Variants in SSBP3 observed in about 807,000 individuals in gnomAD.
The protein encoded by SSBP3 is single stranded DNA binding protein 3, also known as single-stranded DNA-binding protein 3.
Under a neutral mutation model 69.6 loss-of-function variants are expected in SSBP3, and 5 were observed. That is an observed-to-expected ratio of 0.07 (90% CI 0.04 to 0.15). SSBP3 has a LOEUF of 0.15. Ranked by LOEUF, SSBP3 falls within the 10% of genes least tolerant of loss-of-function variation. The pLI, the probability that SSBP3 is intolerant of heterozygous loss-of-function variation, is 1.00. For missense variants in SSBP3, 312 were observed against 534.0 expected (o/e 0.58, Z 4.10); for synonymous variants, 196 against 193.4 (o/e 1.01, Z -0.11).
intron 4 of SSBP3, among the ~76,000 whole-genome samples, chr1:54,347,980 T>G (rs1177543627): frequency 6.6e-6 from 1 of 152,100 alleles, no homozygotes; most frequent in African/African-American, 2.4e-5. Context: ...ACTCCAAGGC[T>G]CTCAACACTC....
At chr1:54,386,986 AC>A (rs1648134611) in intron 4 of SSBP3, among the ~76,000 whole-genome samples, 1 of 151,782 alleles carries the variant, frequency 6.6e-6, no homozygotes, top group African/African-American at 2.4e-5. Context: ...GACCCTCCAC[AC>A]CGGGGCACCT....
intron 9 of SSBP3, among the ~76,000 whole-genome samples, chr1:54,248,057 T>C (rs1320828826): frequency 1.3e-5 from 2 of 152,170 alleles, no homozygotes; most frequent in East Asian, 1.9e-4. Flanking sequence ...CAAAATGCAA[T>C]GTCACTCCCT....
At chr1:54,252,021 G>A (rs1306574158) in intron 7 of SSBP3, among the ~76,000 whole-genome samples, 161 bp from the exon 8 acceptor site, 1 of 152,200 alleles carries the variant, frequency 6.6e-6, no homozygotes, top group African/African-American at 2.4e-5. Context: ...GGTTACCCCG[G>A]GCCTACCAGT....
intron 9 of SSBP3, among the ~76,000 whole-genome samples, chr1:54,245,515 T>A (rs1438545926): frequency 6.6e-6 from 1 of 152,180 alleles, no homozygotes; most frequent in Non-Finnish European, 1.5e-5. Flanking sequence ...CCAGGGATCA[T>A]CTTCCAAATC....
At chr1:54,386,470 G>A (rs1386474590) in intron 4 of SSBP3, among the ~76,000 whole-genome samples, 1 of 152,082 alleles carries the variant, frequency 6.6e-6, no homozygotes. Context: ...ACACTGTACT[G>A]GGGCCCTTGG....
At chr1:54,308,210 T>G (rs1470732899) in intron 4 of SSBP3, among the ~76,000 whole-genome samples, 2 of 152,188 alleles carry the variant, frequency 1.3e-5, no homozygotes, top group African/African-American at 4.8e-5. Context: ...TTCCAGCACT[T>G]TGGGAGGCAG....
At chr1:54,405,959 C>A in exon 1 of SSBP3, 2 of 1,432,472 alleles carry the variant, frequency 1.4e-6, no homozygotes, top group Non-Finnish European at 1.9e-6. Flanking sequence ...TTACTTTTCC[C>A]GAGCCTGCCC....
chr1:54,246,831 G>C (rs972048831), intron 9 of SSBP3, among the ~76,000 whole-genome samples: 1 of 152,266 alleles, frequency 6.6e-6, no homozygotes, highest in East Asian at 1.9e-4. Flanking sequence ...GGTTTGCAGC[G>C]AAGTTTTCTC....
At chr1:54,277,279 T>C (rs1645305811) in intron 5 of SSBP3, among the ~76,000 whole-genome samples, 1 of 152,032 alleles carries the variant, frequency 6.6e-6, no homozygotes, top group Non-Finnish European at 1.5e-5. Context: ...CTCACGGTGT[T>C]CTCAGCAGCC....
At chr1:54,226,835 CAGAAAAGGTCCTTTGGGG>C (rs1644293097) in exon 18 of SSBP3, 2 of 402,154 alleles carry the variant, frequency 5.0e-6, no homozygotes, top group East Asian at 1.1e-4. Flanking sequence ...GTGTCATGTA[CAGAAAAGGTCCTTTGGGG>C]AAAGGGCAAG....
rs530673162 is a variant in SSBP3, at chr1:54,313,703, A to G, written c.277-32176T>C. Among the ~76,000 whole-genome samples, 668 of 118,512 alleles carry G rather than the reference A, an allele frequency of 5.6e-3. 4 individuals carry two copies. Among genetic ancestry groups the G allele is most frequent in the African/African-American group, 0.019 (632 of 32,782 alleles). 77.7% of individuals were successfully genotyped at this position (118,512 alleles called of 152,430 possible). A position where few individuals can be genotyped will look rare whatever the true frequency, so the allele number is the denominator to read the frequency against. ...CAGTGCTCGTAAGCAGATGCTACTC[A>G]GAGTCAAGATAGCTAAGCTTTCCCA... On this transcript the variant is annotated intron_variant, in intron 4 of 17. Coordinates refer to ENST00000610401, the Ensembl canonical transcript of SSBP3.
intron 4 of SSBP3, among the ~76,000 whole-genome samples, chr1:54,382,171 G>A (rs967619233): frequency 6.6e-6 from 1 of 152,216 alleles, no homozygotes; most frequent in Non-Finnish European, 1.5e-5. Flanking sequence ...TCCAGCCTGG[G>A]CAATAGAGCG....
intron 7 of SSBP3, among the ~76,000 whole-genome samples, chr1:54,253,975 C>T (rs148927897): frequency 8.5e-4 from 130 of 152,366 alleles, no homozygotes; most frequent in African/African-American, 2.8e-3. Flanking sequence ...CTGGAGGTCG[C>T]GTCCCTCACT....
chr1:54,383,825 G>A (rs887599696), intron 4 of SSBP3, among the ~76,000 whole-genome samples: 7 of 151,834 alleles, frequency 4.6e-5, no homozygotes, highest in Admixed American at 1.3e-4. Context: ...AGCAAGAACC[G>A]GCCGGGCACG....
At chr1:54,406,563 T>A (rs1649790725), upstream of SSBP3, 2 of 151,806 alleles carry the variant, frequency 1.3e-5, no homozygotes. Context: ...TGCGGCCGCC[T>A]CCGCGGAGCC....
At chr1:54,335,878 A>G (rs1041791513) in intron 4 of SSBP3, 1 of 152,402 alleles carries the variant, frequency 6.6e-6, no homozygotes, top group Non-Finnish European at 1.5e-5. Flanking sequence ...CAGGCAGGAA[A>G]AGGAAGTAGC....
At chr1:54,374,797 G>A (rs929268606) in intron 4 of SSBP3, among the ~76,000 whole-genome samples, 1 of 152,150 alleles carries the variant, frequency 6.6e-6, no homozygotes, top group Non-Finnish European at 1.5e-5. Flanking sequence ...GAGATATCAG[G>A]GCTATCAACG....
chr1:54,322,643 C>A (rs1289809560), intron 4 of SSBP3, among the ~76,000 whole-genome samples: 5 of 151,486 alleles, frequency 3.3e-5, no homozygotes, highest in African/African-American at 1.2e-4. Context: ...TCCTCCCCTG[C>A]AGGAAGGACA....
At chr1:54,360,053 C>T (rs1439052628) in intron 4 of SSBP3, among the ~76,000 whole-genome samples, 1 of 152,158 alleles carries the variant, frequency 6.6e-6, no homozygotes, top group African/African-American at 2.4e-5. Flanking sequence ...ATACCATGTG[C>T]TCAAAGAAAT....
Sources: gnomAD v4.1 joint callset for allele counts (sites outside exome capture counted in the v4.1 genomes callset) on GRCh38, gnomAD v4.1.1 for gene constraint, MANE v1.5 for transcripts, NCBI Gene and HGNC (gene_info 2026-07-23, HGNC 2026-07-21) for gene names.